Variants in POLE observed in about 807,000 individuals in gnomAD.
The protein encoded by POLE is DNA polymerase epsilon catalytic subunit A.
Under a neutral mutation model 279.2 loss-of-function variants are expected in POLE, and 188 were observed. That is an observed-to-expected ratio of 0.67 (90% confidence interval 0.60 to 0.76). POLE has a LOEUF of 0.76. POLE is among the 30% of genes least tolerant of loss of function. POLE has a pLI of 0.00. For missense variants in POLE, 2,703 were observed against 3,016.7 expected (o/e 0.90, Z 2.44); for synonymous variants, 1,214 against 1,172.5 (o/e 1.04, Z -0.72).
chr12:132,644,308 C>T (rs957770200), intron 32 of POLE, among the ~76,000 whole-genome samples: 1 of 147,558 alleles, frequency 6.8e-6, no homozygotes, highest in Non-Finnish European at 1.5e-5. Context: ...ACAAGGAACA[C>T]ACCACCACGG....
At chr12:132,674,523 C>G (rs924813392) in intron 12 of POLE, among the ~76,000 whole-genome samples, 2 of 152,128 alleles carry the variant, frequency 1.3e-5, no homozygotes, top group Non-Finnish European at 2.9e-5. Flanking sequence ...CCTTCTCTAC[C>G]CATTCCCTGT....
chr12:132,672,112 G>T, intron 16 of POLE, 103 bp downstream of exon 16: 2 of 795,632 alleles, frequency 2.5e-6, no homozygotes, highest in Non-Finnish European at 2.2e-6. Flanking sequence ...TCCGTCCACA[G>T]CACCACACGC....
In POLE at chr12:132,664,070, C is replaced by T. The variant is rs1057521163; in HGVS notation, c.2640G>A (p.Thr880=). The T allele has an allele frequency of 3.1e-6, 5 of 1,614,050 alleles. No individual in the cohort carries two copies. Among genetic ancestry groups the T allele is most frequent in the African/African-American group, 2.7e-5 (2 of 74,918 alleles). Residue 880 remains threonine, a synonymous_variant, in exon 23 of 49, where the codon ACG becomes ACA. Transcript: ENST00000320574. The surrounding 1 kb of genome is among the most constrained non-coding windows in gnomAD (Gnocchi z 5.3). ...TCACTTTGGGCTTCTTCACATTGGTCGTCTTGAAGACAAAATTTTCTGGGA... is the reference window on the plus strand; with the variant it reads ...TCACTTTGGGCTTCTTCACATTGGTTGTCTTGAAGACAAAATTTTCTGGGA... ...NSFPENFVFK[T]TNVKKPKVTI... is the part of the protein sequence containing the mutation.
rs567018800 is a variant in POLE at position 132,668,859 on chromosome 12, C to T, written c.1875G>A (p.Leu625=). ...TGTTGGGGTACATGGCCCCCACGTC[C>T]AGGTGGTAGATGAGTGGACACTCGA... is the stretch of plus-strand genomic sequence containing the variant. ...SRIECPLIYH[L]DVGAMYPNII... The change falls in exon 17 of 49, where the codon CTG becomes CTA. Residue 625 remains leucine, a synonymous_variant. Transcript: ENST00000320574. This position sits in a 1 kb window ranked among gnomAD's most constrained non-coding sequence, Gnocchi z 4.0. 1 of 1,614,102 alleles carries T rather than the reference C, an allele frequency of 6.2e-7. No individual in the cohort carries two copies. The highest frequency in any genetic ancestry group is 1.3e-5 in the African/African-American group (1 of 75,026).
intron 26 of POLE, 38 bp from the exon 27 acceptor site, chr12:132,658,008 G>A: frequency 7.8e-7 from 1 of 1,273,908 alleles, no homozygotes; most frequent in East Asian, 2.3e-5. Flanking sequence ...CAGTAACAGT[G>A]AAAATCACCC....
intron 32 of POLE, among the ~76,000 whole-genome samples, chr12:132,647,385 A>G (rs2042310037): frequency 1.3e-5 from 2 of 151,494 alleles, no homozygotes; most frequent in African/African-American, 4.9e-5. Context: ...GAATAAACCC[A>G]TTTTGCCATG....
rs114119067 is a variant in POLE at position 132,638,033 on chromosome 12, C to T, written c.5659G>A (p.Val1887Met). 1,032 of 1,613,832 alleles carry T rather than the reference C, an allele frequency of 6.4e-4. No homozygotes were observed. The highest frequency in any genetic ancestry group is 1.1e-3 in the Admixed American group (65 of 59,992). Residue 1887 changes from valine to methionine, a missense_variant, in exon 41 of 49, where the codon GTG (valine) becomes ATG (methionine). Around this residue, in one of 5 missense-constraint regions of POLE, gnomAD observed 1,551 missense variants for 1,686.1 expected, o/e 0.92. Coordinates refer to ENST00000320574, the MANE Select transcript of POLE (RefSeq NM_006231.4). Reference protein sequence around the residue: ...KRRVEDAIAYVEYITSSIHSK... With the variant: ...KRRVEDAIAYMEYITSSIHSK... ...CCGCACCTGCTGGTGATGTACTCCACGTAAGCGATGGCATCTTCCACACGG... is the reference window on the plus strand; with the variant it reads ...CCGCACCTGCTGGTGATGTACTCCATGTAAGCGATGGCATCTTCCACACGG...
In POLE at chr12:132,668,793, C is replaced by A. The variant is rs1387507213; in HGVS notation, c.1923+18G>T. 1 of 1,613,770 alleles carries A rather than the reference C, an allele frequency of 6.2e-7. No individual in the cohort carries two copies. The highest frequency in any genetic ancestry group is 8.5e-7 in the Non-Finnish European group (1 of 1,179,702). ...GGCAGAGAGAGCTCCGACTCTGACA[C>A]GGGAAGTAAAGTCTCACCTGCAGGC... On this transcript the variant is annotated intron_variant, in intron 17 of 48. Transcript: ENST00000320574. This position sits in a 1 kb window ranked among gnomAD's most constrained non-coding sequence, Gnocchi z 4.0.
intron 4 of POLE, 38 bp downstream of exon 4, chr12:132,680,140 C>A: frequency 1.2e-6 from 2 of 1,608,124 alleles, no homozygotes; most frequent in Non-Finnish European, 1.7e-6. Flanking sequence ...CAGAATGACA[C>A]ACAGGTCGTC....
At position 132,642,365 on chromosome 12, in the gene POLE, T is replaced by C. The variant is rs755176384; in HGVS notation, c.4985A>G (p.Glu1662Gly). 5 of 1,581,644 alleles carry C rather than the reference T, an allele frequency of 3.2e-6. No homozygotes were observed. In the African/African-American group the frequency reaches 5.4e-5, roughly 17 times the overall value. The change falls in exon 38 of 49, where the codon GAG becomes GGG. Residue 1662 changes from glutamate (E) to glycine (G), a missense_variant. This residue lies in a region of POLE where 1,551 missense variants were observed against 1,686.1 expected (regional missense o/e 0.92). Coordinates refer to ENST00000320574, the MANE Select transcript of POLE (RefSeq NM_006231.4). ...YFHIPIGNLP[E>G]DISTFGSDLF... ...GTCGGAGCCGAATGTGGAGATGTCC[T>C]CTGGTAGGTTCCCAATGGGAATGTG...
chr12:132,686,615 A>G (rs1243842949), intron 1 of POLE, among the ~76,000 whole-genome samples: 1 of 151,892 alleles, frequency 6.6e-6, no homozygotes, highest in East Asian at 2.0e-4. Flanking sequence ...GGCGCCTGTA[A>G]TTCCAGCTAC....
In POLE at chr12:132,633,066, G is replaced by A. The variant is rs559464265; in HGVS notation, c.6005-271C>T. On this transcript the variant is annotated intron_variant, in intron 43 of 48. Coordinates refer to ENST00000320574, the MANE Select transcript of POLE (RefSeq NM_006231.4). ...TACACTAAGCCTCTCACTGGGTAGC[G>A]CGTGAAAGACAGCTCCCAACACAAG... 43 of 336,832 alleles carry A rather than the reference G, an allele frequency of 1.3e-4. 2 individuals are homozygous for A. The South Asian group carries it at 1.5e-3, about 12-fold the overall frequency. The allele number at this position is 336,832 out of a possible 1,614,324, so 20.9% of individuals were successfully genotyped here.
At position 132,677,663 on chromosome 12, in the gene POLE, G is replaced by C. The variant is rs2136021012; in HGVS notation, c.635C>G (p.Ala212Gly). 6.2e-7 allele frequency: 1 copy of C among 1,614,120 alleles called. No individual in the cohort carries two copies. The highest frequency in any genetic ancestry group is 8.5e-7 in the Non-Finnish European group (1 of 1,179,972). ...GTCCACAATGTTGTCCAACTGGTCAGCTATCTTCTTAGAGGTTTCCTCTTC... is the reference window on the plus strand; with the variant it reads ...GTCCACAATGTTGTCCAACTGGTCACCTATCTTCTTAGAGGTTTCCTCTTC... ...TDEEETSKKI[A>G]DQLDNIVDMR... The change falls in exon 7 of 49, where the codon GCT becomes GGT. Residue 212 changes from alanine (A) to glycine (G), a missense_variant. By Grantham distance (60) the Ala-to-Gly change is moderately conservative. Coordinates refer to ENST00000320574, the MANE Select transcript of POLE (RefSeq NM_006231.4).
chr12:132,652,314 CTTTTTTTTTTTT>C (rs11449205), intron 29 of POLE, among the ~76,000 whole-genome samples: 3 of 111,184 alleles, frequency 2.7e-5, no homozygotes, highest in Non-Finnish European at 5.1e-5. Flanking sequence ...TTGTAGTTTC[CTTTTTTTTTTTT>C]TTTTTTTTTT....
intron 6 of POLE, among the ~76,000 whole-genome samples, chr12:132,678,110 G>A (rs112923125): frequency 1.3e-5 from 2 of 152,210 alleles, no homozygotes; most frequent in African/African-American, 4.8e-5. Context: ...CCCAGGAGGC[G>A]GAGGTTGCAG....
At position 132,661,293 on chromosome 12, in the gene POLE, G is replaced by A. The variant is rs140280587; in HGVS notation, c.2865-129C>T. The A allele has an allele frequency of 2.7e-3, 2,697 of 1,003,774 alleles. 10 individuals are homozygous for A. Among genetic ancestry groups the A allele is most frequent in the African/African-American group, 9.2e-3 (571 of 61,814 alleles). 62.2% of individuals were successfully genotyped at this position (1,003,774 alleles called of 1,614,324 possible). A position where few individuals can be genotyped will look rare whatever the true frequency, so the allele number is the denominator to read the frequency against. On this transcript the variant is annotated intron_variant, in intron 24 of 48. Transcript: ENST00000320574. The surrounding 1 kb of genome is among the most constrained non-coding windows in gnomAD (Gnocchi z 4.1). ...ACCTGTCATCCACGAGGCAGCAAAC[G>A]TCTCTCTCCCTTAGGCCACTGCTTC...
chr12:132,627,728 G>A (rs932470984), intron 45 of POLE, among the ~76,000 whole-genome samples: 7 of 152,234 alleles, frequency 4.6e-5, no homozygotes, highest in Admixed American at 3.9e-4. Context: ...TGAGCCTTCA[G>A]TGAGTCGCAA....
At chr12:132,673,932 G>A (rs1225404012) in intron 12 of POLE, among the ~76,000 whole-genome samples, 1 of 152,138 alleles carries the variant, frequency 6.6e-6, no homozygotes, top group Non-Finnish European at 1.5e-5. Flanking sequence ...CACCAGGACT[G>A]GTCCTTCCGG....
rs2042162706 is a variant in POLE at position 132,642,270 on chromosome 12, G to C, written c.5080C>G (p.Leu1694Val). The change falls in exon 38 of 49, where the codon CTG (leucine) becomes GTG (valine). Residue 1694 changes from leucine (L) to valine (V), a missense_variant. This residue lies in a region of POLE where 1,551 missense variants were observed against 1,686.1 expected (regional missense o/e 0.92). Coordinates refer to ENST00000320574, the MANE Select transcript of POLE (RefSeq NM_006231.4). ...LWLSPTARPD[L>V]GGKEADDNCL... The stretch of plus-strand genomic sequence containing the variant: ...TTGTCATCAGCCTCCTTTCCACCCA[G>C]GTCAGGGCGGGCTGTAGGGGACAGC... The C allele has an allele frequency of 2.5e-6, 4 of 1,610,846 alleles. No homozygotes were observed. The highest frequency in any genetic ancestry group is 3.4e-6 in the Non-Finnish European group (4 of 1,178,582).
Sources: allele counts gnomAD v4.1 joint callset (sites outside exome capture counted in the v4.1 genomes callset), GRCh38; gene constraint gnomAD v4.1.1; regional missense constraint gnomAD v4.1.1; non-coding constraint Gnocchi (gnomAD v3.1); transcripts MANE v1.5; gene names NCBI Gene and HGNC (gene_info 2026-07-23, HGNC 2026-07-21).